IFTAP: variants seen among roughly 807,000 people sequenced by gnomAD.
The protein encoded by IFTAP is intraflagellar transport associated protein, also known as intraflagellar transport-associated protein.
A neutral mutation model predicts 19.4 loss-of-function variants in IFTAP; 19 were observed. The observed-to-expected ratio is 0.98, with a 90% CI of 0.68 to 1.44. IFTAP has a LOEUF of 1.44. Ranked by LOEUF, IFTAP falls within the 40% of genes most tolerant of loss-of-function variation. The probability of loss-of-function intolerance (pLI) is 0.00; values close to 1 mark genes in which losing one functional copy is unlikely to be tolerated. For synonymous variants in IFTAP, 85 were observed against 83.5 expected, an observed-to-expected ratio of 1.02 and a Z score of -0.10; for missense variants, 240 against 253.6, an observed-to-expected ratio of 0.95 and a Z score of 0.36.
chr11:36,608,115 T>G (rs908753832), intron 1 of IFTAP, among the ~76,000 whole-genome samples: 4 of 152,106 alleles, frequency 2.6e-5, no homozygotes, highest in African/African-American at 9.7e-5. Context: ...ACTTATTAAA[T>G]TAAAGCTGTA....
chr11:36,648,213 T>A, intron 5 of IFTAP, 58 bp downstream of exon 5: 1 of 1,562,780 alleles, frequency 6.4e-7, no homozygotes, highest in South Asian at 1.2e-5. Flanking sequence ...AATTCATCCC[T>A]TCAAAGAAAT....
intron 2 of IFTAP, among the ~76,000 whole-genome samples, chr11:36,627,474 C>A (rs934719158): frequency 6.0e-5 from 9 of 151,208 alleles, no homozygotes; most frequent in Non-Finnish European, 8.8e-5. Context: ...CTAGGAGGAT[C>A]CTGCTTGTCT....
intron 2 of IFTAP, among the ~76,000 whole-genome samples, chr11:36,630,227 T>C (rs1028606862): frequency 3.3e-5 from 5 of 151,348 alleles, no homozygotes; most frequent in African/African-American, 1.2e-4. Flanking sequence ...TTTCCCTATC[T>C]CATTGTGCCA....
chr11:36,626,547 A>G (rs915650104), intron 2 of IFTAP, among the ~76,000 whole-genome samples: 1 of 151,380 alleles, frequency 6.6e-6, no homozygotes, highest in African/African-American at 2.5e-5. Flanking sequence ...AGAGTGGAGA[A>G]TGAACATTTT....
At chr11:36,644,658 A>G (rs1853396655) in intron 4 of IFTAP, among the ~76,000 whole-genome samples, 1 of 152,148 alleles carries the variant, frequency 6.6e-6, no homozygotes, top group East Asian at 1.9e-4. Flanking sequence ...ACCATGGAAT[A>G]CTATGCAGCC....
intron 4 of IFTAP, among the ~76,000 whole-genome samples, chr11:36,639,764 A>G (rs1853121836): frequency 6.6e-6 from 1 of 152,214 alleles, no homozygotes; most frequent in African/African-American, 2.4e-5. Context: ...ACCTACCTCC[A>G]ACATTGGGGA....
intron 2 of IFTAP, among the ~76,000 whole-genome samples, chr11:36,617,382 A>C (rs7926684): frequency 6.6e-6 from 1 of 151,674 alleles, no homozygotes; most frequent in African/African-American, 2.4e-5. Context: ...ATGAAAGTAT[A>C]GATTTCCAGG....
In IFTAP at chr11:36,654,168, G is replaced by C. The variant is rs182214515; in HGVS notation, c.499-4851G>C. Reference sequence around the variant, plus strand: ...TCAATTGCCTGCTTGGATGTTTTCAGAATGAAGGCGTCAATTGCTTTATGA... The same window carrying C: ...TCAATTGCCTGCTTGGATGTTTTCACAATGAAGGCGTCAATTGCTTTATGA... On this transcript the variant is annotated intron_variant, in intron 5 of 5. Coordinates refer to ENST00000334307, the MANE Select transcript of IFTAP (RefSeq NM_138787.4). Among the ~76,000 whole-genome samples, 196 of 152,180 alleles carry C rather than the reference G, an allele frequency of 1.3e-3. 4 individuals are homozygous for C. Among genetic ancestry groups the C allele is most frequent in the Middle Eastern group, 6.8e-3 (2 of 294 alleles).
intron 4 of IFTAP, among the ~76,000 whole-genome samples, chr11:36,645,367 C>G (rs1414952129): frequency 6.6e-6 from 1 of 152,070 alleles, no homozygotes; most frequent in Admixed American, 6.6e-5. Context: ...TCTTGCCGTC[C>G]AACCTCAAGA....
chr11:36,637,863 A>G (rs959059464), intron 4 of IFTAP, among the ~76,000 whole-genome samples: 2 of 150,744 alleles, frequency 1.3e-5, no homozygotes, highest in Non-Finnish European at 2.9e-5. Flanking sequence ...TAGCCAACAG[A>G]TCTGATTTTT....
intron 2 of IFTAP, among the ~76,000 whole-genome samples, chr11:36,619,757 A>G (rs1272916367): frequency 3.3e-5 from 5 of 151,990 alleles, no homozygotes; most frequent in African/African-American, 1.2e-4. Context: ...GTTATCAGTC[A>G]TTTAATTCCC....
intron 2 of IFTAP, among the ~76,000 whole-genome samples, chr11:36,618,168 C>A (rs1852161876): frequency 6.6e-6 from 1 of 152,060 alleles, no homozygotes; most frequent in South Asian, 2.1e-4. Flanking sequence ...GGAGCCCTAA[C>A]CCCCAACGTG....
intron 2 of IFTAP, among the ~76,000 whole-genome samples, chr11:36,632,689 A>G (rs781193422): frequency 2.6e-5 from 4 of 151,272 alleles, no homozygotes; most frequent in Non-Finnish European, 5.9e-5. Flanking sequence ...ACATTTATAT[A>G]AAGGAGTTCT....
chr11:36,653,605 T>C (rs532030708), intron 5 of IFTAP, among the ~76,000 whole-genome samples: 1 of 152,254 alleles, frequency 6.6e-6, no homozygotes, highest in East Asian at 1.9e-4. Context: ...AGCCAATAAC[T>C]GAAATATATA....
chr11:36,609,944 A>G, intron 1 of IFTAP, 137 bp from the exon 2 acceptor site: 1 of 688,836 alleles, frequency 1.5e-6, no homozygotes, highest in Non-Finnish European at 2.4e-6. Context: ...GGTCTCTTGA[A>G]CTAGAGGTCA....
intron 5 of IFTAP, among the ~76,000 whole-genome samples, chr11:36,650,379 T>A (rs996797021): frequency 3.0e-4 from 46 of 152,180 alleles, no homozygotes; most frequent in African/African-American, 9.1e-4. Flanking sequence ...TTGTTTTTTT[T>A]AATTTTTAAA....
intron 4 of IFTAP, among the ~76,000 whole-genome samples, chr11:36,636,923 G>GTTT (rs10616172): frequency 1.5e-5 from 2 of 136,366 alleles, no homozygotes; most frequent in Non-Finnish European, 1.6e-5. Flanking sequence ...AAATCAGGAA[G>GTTT]TTTTTTTTTT....
At chr11:36,625,898 G>A (rs1203623892) in intron 2 of IFTAP, among the ~76,000 whole-genome samples, 3 of 151,510 alleles carry the variant, frequency 2.0e-5, no homozygotes, top group Admixed American at 6.6e-5. Flanking sequence ...TGAGGCCCAG[G>A]GAACAGCGAG....
chr11:36,607,635 T>C (rs1024962244), intron 1 of IFTAP, among the ~76,000 whole-genome samples: 2 of 151,938 alleles, frequency 1.3e-5, no homozygotes, highest in African/African-American at 4.8e-5. Flanking sequence ...GGAATTGAGG[T>C]TAAGGAAATA....
Sources: allele counts gnomAD v4.1 joint callset (sites outside exome capture counted in the v4.1 genomes callset), GRCh38; gene constraint gnomAD v4.1.1; transcripts MANE v1.5; gene names NCBI Gene and HGNC (gene_info 2026-07-23, HGNC 2026-07-21).